Variants in VWA5B1 observed in about 807,000 individuals in gnomAD.
The protein encoded by VWA5B1 is von Willebrand factor A domain containing 5B1.
VWA5B1 carries 115 observed loss-of-function variants against 118.2 expected under a neutral mutation model. That is an observed-to-expected ratio of 0.97 (90% confidence interval 0.84 to 1.14). VWA5B1 has a LOEUF of 1.14. Among genes scored for constraint, VWA5B1 ranks in the 50% most tolerant of loss-of-function variants. The probability of loss-of-function intolerance (pLI) is 0.00; values close to 1 mark genes in which losing one functional copy is unlikely to be tolerated. For missense variants in VWA5B1, 1,596 were observed against 1,603.8 expected, an observed-to-expected ratio of 1.00 and a Z score of 0.08; for synonymous variants, 682 against 658.4, an observed-to-expected ratio of 1.04 and a Z score of -0.55.
At chr1:20,329,594 G>A (rs558230492) in intron 9 of VWA5B1, among the ~76,000 whole-genome samples, 35 of 152,180 alleles carry the variant, frequency 2.3e-4, no homozygotes, top group African/African-American at 8.0e-4. Context: ...TCTAAGTCCT[G>A]TCCAAGGGTG....
intron 17 of VWA5B1, 93 bp from the exon 18 acceptor site, chr1:20,348,152 T>C: frequency 8.4e-7 from 1 of 1,188,442 alleles, no homozygotes; most frequent in Non-Finnish European, 1.2e-6. Context: ...ATTGAAAGAT[T>C]GAAGCCAGAA....
chr1:20,347,587 G>C (rs546920340), intron 17 of VWA5B1, among the ~76,000 whole-genome samples: 4 of 151,806 alleles, frequency 2.6e-5, no homozygotes, highest in Middle Eastern at 3.2e-3. Context: ...CTACAGGCAC[G>C]CACTACCACA....
chr1:20,304,642 G>A (rs2088594898), intron 1 of VWA5B1, among the ~76,000 whole-genome samples: 1 of 152,000 alleles, frequency 6.6e-6, no homozygotes, highest in Non-Finnish European at 1.5e-5. Flanking sequence ...GAAGGAACAG[G>A]TAGGAGATGA....
At chr1:20,334,132 C>A (rs1452671720) in intron 12 of VWA5B1, among the ~76,000 whole-genome samples, 5 of 152,176 alleles carry the variant, frequency 3.3e-5, no homozygotes, top group African/African-American at 1.2e-4. Context: ...ATGTGTGTCT[C>A]ATTTTTCAGG....
intron 12 of VWA5B1, among the ~76,000 whole-genome samples, chr1:20,333,820 C>T (rs995866479): frequency 1.3e-5 from 2 of 152,296 alleles, no homozygotes; most frequent in Non-Finnish European, 2.9e-5. Context: ...TTTCCTCTTT[C>T]GTGAGTCTGT....
At chr1:20,337,949 G>A in intron 14 of VWA5B1, 113 bp downstream of exon 14, 1 of 1,331,468 alleles carries the variant, frequency 7.5e-7, no homozygotes, top group African/African-American at 1.5e-5. Context: ...ACTGCCAAGT[G>A]AGTCACTCCC....
At chr1:20,347,002 T>C (rs1375117509) in intron 17 of VWA5B1, among the ~76,000 whole-genome samples, 1 of 152,172 alleles carries the variant, frequency 6.6e-6, no homozygotes, top group South Asian at 2.1e-4. Context: ...CCCTCCCACC[T>C]GTCTATGACC....
intron 17 of VWA5B1, among the ~76,000 whole-genome samples, 153 bp downstream of exon 17, chr1:20,345,746 G>C (rs1329441686): frequency 1.3e-5 from 2 of 152,218 alleles, no homozygotes; most frequent in Non-Finnish European, 2.9e-5. Context: ...TGATTTGGCT[G>C]CTAGGGGGTG....
rs1012042733 is a variant in VWA5B1, at chr1:20,314,263, A to G, written c.293-59A>G. On this transcript the variant is annotated intron_variant, in intron 3 of 21. Coordinates refer to ENST00000289815, the MANE Select transcript of VWA5B1 (RefSeq NM_001039500.3). Reference sequence around the variant, plus strand: ...GCCACTCACACTTACCACAACAGCAATCTTAGAGGGGATCAGAGATAATCT... The same window carrying G: ...GCCACTCACACTTACCACAACAGCAGTCTTAGAGGGGATCAGAGATAATCT... 12 of 1,514,912 alleles carry G rather than the reference A, an allele frequency of 7.9e-6. No homozygotes were observed. The African/African-American group carries it at 1.5e-4, about 19-fold the overall frequency. The allele number at this position is 1,514,912 out of a possible 1,614,324, so 93.8% of individuals were successfully genotyped here.
chr1:20,298,681 A>G (rs577760071), intron 1 of VWA5B1, among the ~76,000 whole-genome samples: 2 of 152,106 alleles, frequency 1.3e-5, no homozygotes, highest in South Asian at 2.1e-4. Flanking sequence ...ACCCAGTGCT[A>G]CAAGTCAAAG....
In VWA5B1 at chr1:20,354,023, T is replaced by C. The variant is rs554884046; in HGVS notation, c.3408T>C (p.Thr1136=). 3.2e-6 allele frequency: 5 copies of C among 1,551,672 alleles called. No homozygotes were observed. In the South Asian group the frequency reaches 5.9e-5, roughly 18 times the overall value. ...GLEPRAVVEH[T]GKLWATVVGL... ...AGCCGAGGGCAGTGGTGGAGCACAC[T>C]GGGAAGCTGTGGGCCACGGTGGTGG... Residue 1136 remains threonine (T), a synonymous_variant, in exon 22 of 22, where the codon ACT becomes ACC. Transcript: ENST00000289815.
rs1553123258 is a variant in VWA5B1, at chr1:20,349,260, C to A, written c.2879-896C>A. ...AAACCCAGGAGAACCAGCTCCACCC[C>A]TGAGCCAAGCTGAACTTCCAGTCTT... On this transcript the variant is annotated intron_variant, in intron 18 of 21. Transcript: ENST00000289815. The A allele has an allele frequency of 7.4e-6, 3 of 407,890 alleles. No individual in the cohort carries two copies. In the East Asian group the frequency reaches 2.3e-4, roughly 31 times the overall value. 25.3% of individuals were successfully genotyped at this position (407,890 alleles called of 1,614,324 possible). A position where few individuals can be genotyped will look rare whatever the true frequency, so the allele number is the denominator to read the frequency against.
chr1:20,303,710 G>T (rs1028168545), intron 1 of VWA5B1, among the ~76,000 whole-genome samples: 3 of 152,114 alleles, frequency 2.0e-5, no homozygotes, highest in Non-Finnish European at 2.9e-5. Flanking sequence ...GCAAGTTTCT[G>T]CCTTCCCAAT....
intron 1 of VWA5B1, among the ~76,000 whole-genome samples, chr1:20,291,387 T>TCTCTCTCTCTCTA: frequency 8.8e-6 from 1 of 114,240 alleles, no homozygotes; most frequent in African/African-American, 4.2e-5. Context: ...CTCTCTCTCT[T>TCTCTCTCTCTCTA]TCTGTCTCCT....
rs1363146376 is a variant in VWA5B1, at chr1:20,350,077, T to C, written c.2879-79T>C. ...CAACCCACCTGCAGACACCGTGAAT[T>C]AGACCATTGCTCTCCTGAGGGGATG... On this transcript the variant is annotated intron_variant, in intron 18 of 21. Transcript: ENST00000289815. 5 of 1,420,554 alleles carry C rather than the reference T, an allele frequency of 3.5e-6. No individual in the cohort carries two copies. In the Admixed American group the frequency reaches 7.9e-5, roughly 22 times the overall value. The allele number at this position is 1,420,554 out of a possible 1,614,324, so 88.0% of individuals were successfully genotyped here. A position where few individuals can be genotyped will look rare whatever the true frequency, so the allele number is the denominator to read the frequency against.
rs547826834 is a variant in VWA5B1 at position 20,307,587 on chromosome 1, C to T, written c.-26-2989C>T. Among the ~76,000 whole-genome samples, 9 of 152,290 alleles carry T rather than the reference C, an allele frequency of 5.9e-5. No homozygotes were observed. The East Asian group carries it at 9.7e-4, about 16-fold the overall frequency. On this transcript the variant is annotated intron_variant, in intron 1 of 21. Coordinates refer to ENST00000289815, the MANE Select transcript of VWA5B1 (RefSeq NM_001039500.3). ...ACATTTTCAGTGTTTAATAAATTCC[C>T]GCTGTCATTGCTGTGACCTTTCCCC...
chr1:20,349,100 C>A, intron 18 of VWA5B1: 1 of 357,262 alleles, frequency 2.8e-6, no homozygotes, highest in Non-Finnish European at 5.9e-6. Flanking sequence ...TATTCCAGGT[C>A]CTAGAAAGTG....
At chr1:20,335,377 TCAAGA>T (rs1313155113) in intron 12 of VWA5B1, among the ~76,000 whole-genome samples, 8 of 152,090 alleles carry the variant, frequency 5.3e-5, no homozygotes, top group African/African-American at 1.9e-4. Context: ...AGTGCAAAAT[TCAAGA>T]TACTGATAAG....
rs773407807 is a variant in VWA5B1 at position 20,336,351 on chromosome 1, T to C, written c.1807T>C (p.Ser603Pro). The C allele has an allele frequency of 2.6e-6, 4 of 1,524,376 alleles. No homozygotes were observed. The highest frequency in any genetic ancestry group is 2.6e-5 in the South Asian group (2 of 77,162). The allele number at this position is 1,524,376 out of a possible 1,614,324, so 94.4% of individuals were successfully genotyped here. The change falls in exon 13 of 22, where the codon TCT (serine) becomes CCT (proline). Residue 603 changes from serine to proline, a missense_variant. By Grantham distance (74) the Ser-to-Pro change is moderately conservative. Transcript: ENST00000289815. Reference protein sequence around the residue: ...SMLHSQESGSSVFYHSQDDGP... With the variant: ...SMLHSQESGSPVFYHSQDDGP... ...GCTGCACTCTCAGGAGTCTGGCAGC[T>C]CTGTCTTCTACCACTCTCAGGATGA...
Sources: allele counts gnomAD v4.1 joint callset (sites outside exome capture counted in the v4.1 genomes callset), GRCh38; gene constraint gnomAD v4.1.1; transcripts MANE v1.5; gene names NCBI Gene and HGNC (gene_info 2026-07-23, HGNC 2026-07-21).